The following EZH1 variants were observed in gnomAD, a reference collection of about 807,000 sequenced individuals.
EZH1 encodes the protein enhancer of zeste 1 polycomb repressive complex 2 subunit.
A neutral mutation model predicts 100.5 loss-of-function variants in EZH1; 33 were observed. That is an observed-to-expected ratio of 0.33 (90% CI 0.25 to 0.44). The LOEUF is 0.44. Ranked by LOEUF, EZH1 falls within the 20% of genes least tolerant of loss-of-function variation. EZH1 has a pLI of 1.00. For missense variants in EZH1, 475 were observed against 928.4 expected (o/e 0.51, Z 6.35); for synonymous variants, 272 against 313.8 (o/e 0.87, Z 1.41).
At chr17:42,713,054 A>AAG (rs376119554) in intron 11 of EZH1, among the ~76,000 whole-genome samples, 155 bp downstream of exon 11, 3,255 of 150,324 alleles carry the variant, frequency 0.022, 143 homozygotes, top group South Asian at 0.093. Context: ...AAAAAAAAAA[A>AAG]AAAAGAAAAT....
rs545761715 is a variant in EZH1, at chr17:42,719,329, T to C, written c.665-122A>G. The C allele has an allele frequency of 3.4e-5, 25 of 733,350 alleles. No individual in the cohort carries two copies. The South Asian group carries it at 3.8e-4, about 11-fold the overall frequency. 45.4% of individuals were successfully genotyped at this position (733,350 alleles called of 1,614,324 possible). On this transcript the variant is annotated intron_variant, in intron 7 of 20. Coordinates refer to ENST00000428826, the MANE Select transcript of EZH1 (RefSeq NM_001991.5). ...ACAGCTGCTTTGTTAACCTAACCAC[T>C]GATTGTTTGGAGATATATAAACATC...
intron 14 of EZH1, 82 bp from the exon 15 acceptor site, chr17:42,708,165 T>C: frequency 1.3e-6 from 2 of 1,485,158 alleles, no homozygotes; most frequent in Non-Finnish European, 1.8e-6. Context: ...CTGCCCTGAT[T>C]CAGAGGAGGC....
intron 6 of EZH1, 89 bp from the exon 7 acceptor site, chr17:42,720,538 G>A: frequency 8.8e-7 from 1 of 1,140,266 alleles, no homozygotes; most frequent in Non-Finnish European, 1.2e-6. Context: ...CACTCCAGAG[G>A]CCCAGATATG....
Position 42,718,499 on chromosome 17 carries a change from T to C in EZH1, c.886A>G (p.Thr296Ala). The C allele has an allele frequency of 6.2e-7, 1 of 1,614,110 alleles. No individual in the cohort carries two copies. The highest frequency in any genetic ancestry group is 8.5e-7 in the Non-Finnish European group (1 of 1,180,022). ...QREQSLHSFH[T>A]LFCRRCFKYD... ...TTAAAGCAGCGCCGGCAAAAAAGTGTGTGGAAGGAGTGCAGAGATTGCTCC... is the reference window on the plus strand; with the variant it reads ...TTAAAGCAGCGCCGGCAAAAAAGTGCGTGGAAGGAGTGCAGAGATTGCTCC... Residue 296 changes from threonine to alanine, a missense_variant, in exon 9 of 21, where the codon ACA becomes GCA. Thr to Ala is a moderately conservative substitution (Grantham distance 58). Around this residue, in one of 8 missense-constraint regions of EZH1, gnomAD observed 180 missense variants for 295.3 expected, o/e 0.61. Transcript: ENST00000428826. This position sits in a 1 kb window ranked among gnomAD's most constrained non-coding sequence, Gnocchi z 4.2.
In EZH1 at chr17:42,712,446, G is replaced by A; in HGVS notation, c.1244C>T (p.Ala415Val). The change falls in exon 12 of 21, where the codon GCT (alanine) becomes GTT (valine). Residue 415 changes from alanine to valine, a missense_variant. By Grantham distance (64) the Ala-to-Val change is moderately conservative. Coordinates refer to ENST00000428826, the MANE Select transcript of EZH1 (RefSeq NM_001991.5). ...GCAGAGTTGAGGTGGGGCTGGACTA[G>A]CCTTCTGTTTTGTGGGAGTCTGACA... is the stretch of plus-strand genomic sequence containing the variant. Reference protein sequence around the residue: ...SRCQTPTKQKASPAPPQLCVV... With the variant: ...SRCQTPTKQKVSPAPPQLCVV... The A allele has an allele frequency of 2.5e-6, 4 of 1,614,152 alleles. 1 individual carries two copies. The South Asian group carries it at 3.3e-5, about 13-fold the overall frequency.
intron 1 of EZH1, among the ~76,000 whole-genome samples, chr17:42,744,539 T>G (rs1018193082): frequency 6.6e-6 from 1 of 152,088 alleles, no homozygotes; most frequent in Non-Finnish European, 1.5e-5. Flanking sequence ...CCCGGCCTTG[T>G]TTTTACTGCT....
In EZH1 at chr17:42,718,918, T is replaced by C. The variant is rs73303769; in HGVS notation, c.767+187A>G. On this transcript the variant is annotated intron_variant, in intron 8 of 20. Transcript: ENST00000428826. This position sits in a 1 kb window ranked among gnomAD's most constrained non-coding sequence, Gnocchi z 4.2. ...GCCCAGACTCACTCAAAAGCCAGTA[T>C]ACGATGACCCTTAATATAGTAAGGG... Among the ~76,000 whole-genome samples, 1,687 of 152,294 alleles carry C rather than the reference T, an allele frequency of 0.011. 40 individuals carry two copies. Among genetic ancestry groups the C allele is most frequent in the African/African-American group, 0.039 (1,609 of 41,562 alleles).
chr17:42,717,292 C>T (rs1382275416), intron 10 of EZH1, among the ~76,000 whole-genome samples: 1 of 152,154 alleles, frequency 6.6e-6, no homozygotes, highest in Non-Finnish European at 1.5e-5. Context: ...CATGTGTGCC[C>T]AACAGCATTC....
chr17:42,714,047 C>G (rs754402560), intron 10 of EZH1, among the ~76,000 whole-genome samples: 38 of 152,102 alleles, frequency 2.5e-4, no homozygotes, highest in Non-Finnish European at 5.0e-4. Flanking sequence ...AATGCTTAAT[C>G]TGTACAATCT....
At chr17:42,738,380 TA>T (rs2054108531) in intron 1 of EZH1, among the ~76,000 whole-genome samples, 2 of 152,040 alleles carry the variant, frequency 1.3e-5, no homozygotes, top group Admixed American at 1.3e-4. Flanking sequence ...CAAGGCTAAG[TA>T]AGCCTTTGGA....
chr17:42,723,158 T>A (rs567438197), intron 5 of EZH1, among the ~76,000 whole-genome samples: 1 of 152,210 alleles, frequency 6.6e-6, no homozygotes, highest in Non-Finnish European at 1.5e-5. Flanking sequence ...AGGCGGATCA[T>A]GAGGTCAGGA....
chr17:42,732,411 T>C (rs1331957557), intron 1 of EZH1, among the ~76,000 whole-genome samples: 3 of 152,150 alleles, frequency 2.0e-5, no homozygotes, highest in Non-Finnish European at 4.4e-5. Context: ...GCTGAGAGGA[T>C]AGCCTGAGCT....
Position 42,720,377 on chromosome 17 carries a change from G to C in EZH1, c.560C>G (p.Ser187Ter). The change falls in exon 7 of 21, where the codon TCA (serine) becomes TGA (stop). Residue 187 changes from serine (S) to a stop codon, truncating the protein, a stop_gained. Coordinates refer to ENST00000428826, the MANE Select transcript of EZH1 (RefSeq NM_001991.5). LOFTEE classifies it high-confidence loss of function. ...ATTGTGCCCTTCCTCCTCCTCATCTGAGTACTGATTCAGGGCATCGACCAA... is the reference window on the plus strand; with the variant it reads ...ATTGTGCCCTTCCTCCTCCTCATCTCAGTACTGATTCAGGGCATCGACCAA... ...LELVDALNQYSDEEEEGHNDT... is the reference protein window; with the variant it reads ...LELVDALNQY The C allele has an allele frequency of 6.2e-7, 1 of 1,614,100 alleles. No homozygotes were observed. The highest frequency in any genetic ancestry group is 8.5e-7 in the Non-Finnish European group (1 of 1,180,014).
intron 7 of EZH1, among the ~76,000 whole-genome samples, chr17:42,719,819 A>C (rs1207838753): frequency 6.6e-6 from 1 of 152,196 alleles, no homozygotes; most frequent in African/African-American, 2.4e-5. Flanking sequence ...GCCTGAACAT[A>C]GAAGAATCCT....
intron 1 of EZH1, among the ~76,000 whole-genome samples, chr17:42,733,259 C>A (rs183406574): frequency 6.7e-6 from 1 of 150,010 alleles, no homozygotes; most frequent in Admixed American, 6.7e-5. Context: ...ATTGCTTGAA[C>A]CTGGGAGGCA....
At chr17:42,727,218 C>T (rs1315725440) in intron 4 of EZH1, among the ~76,000 whole-genome samples, 2 of 152,118 alleles carry the variant, frequency 1.3e-5, no homozygotes, top group African/African-American at 2.4e-5. Flanking sequence ...ATAGCTGTAT[C>T]TATTAACCTT....
At chr17:42,725,028 G>A (rs776088233) in intron 4 of EZH1, among the ~76,000 whole-genome samples, 27 of 151,468 alleles carry the variant, frequency 1.8e-4, no homozygotes, top group Non-Finnish European at 2.8e-4. Context: ...TTAGCTGGGC[G>A]TGGTGGCACA....
intron 16 of EZH1, 158 bp downstream of exon 16, chr17:42,705,849 G>T: frequency 1.2e-6 from 1 of 829,346 alleles, no homozygotes; most frequent in Non-Finnish European, 1.7e-6. Flanking sequence ...TACTGGGACT[G>T]AAGCCTTTAT....
Position 42,728,869 on chromosome 17 carries a change from G to C in EZH1, c.73C>G (p.Arg25Gly). 1 of 1,613,504 alleles carries C rather than the reference G, an allele frequency of 6.2e-7. No individual in the cohort carries two copies. Residue 25 changes from arginine (R) to glycine (G), a missense_variant, in exon 3 of 21, where the codon CGA becomes GGA. Coordinates refer to ENST00000428826, the MANE Select transcript of EZH1 (RefSeq NM_001991.5). Reference protein sequence around the residue: ...WKRKVKSEYMRLRQLKRLQAN... With the variant: ...WKRKVKSEYMGLRQLKRLQAN... ...TGAAGCCGTTTAAGTTGTCGAAGTC[G>C]CATGTATTCAGATTTCACTTTTCTT...
Sources: allele counts gnomAD v4.1 joint callset (sites outside exome capture counted in the v4.1 genomes callset), GRCh38; gene constraint gnomAD v4.1.1; regional missense constraint gnomAD v4.1.1; non-coding constraint Gnocchi (gnomAD v3.1); transcripts MANE v1.5; gene names NCBI Gene and HGNC (gene_info 2026-07-23, HGNC 2026-07-21).